The following KIF18A variants were observed in gnomAD, a reference collection of about 807,000 sequenced individuals.
KIF18A encodes the protein kinesin-like protein KIF18A.
In KIF18A, 67 loss-of-function variants were observed where a neutral mutation model predicts 103.3. That is an observed-to-expected ratio of 0.65 (90% CI 0.53 to 0.79). The LOEUF is 0.79. KIF18A is among the 30% of genes least tolerant of loss of function. The probability of loss-of-function intolerance (pLI) is 0.00; values close to 1 mark genes in which losing one functional copy is unlikely to be tolerated. For synonymous variants in KIF18A, 367 were observed against 355.5 expected (o/e 1.03, Z -0.36); for missense variants, 1,032 against 1,062.5 (o/e 0.97, Z 0.40).
chr11:28,028,536 G>C (rs1159354927), intron 15 of KIF18A, among the ~76,000 whole-genome samples: 2 of 152,096 alleles, frequency 1.3e-5, no homozygotes, highest in African/African-American at 2.4e-5. Flanking sequence ...GCAGTGTGTA[G>C]AGGGAAATTT....
At chr11:28,077,222 A>G in intron 9 of KIF18A, 53 bp from the exon 10 acceptor site, 1 of 1,308,210 alleles carries the variant, frequency 7.6e-7, no homozygotes, top group Non-Finnish European at 1.0e-6. Context: ...AGCAAATCAT[A>G]CAAAGTTTAC....
At chr11:28,055,873 A>C (rs757117843) in intron 13 of KIF18A, among the ~76,000 whole-genome samples, 2 of 152,146 alleles carry the variant, frequency 1.3e-5, no homozygotes, top group African/African-American at 2.4e-5. Flanking sequence ...GTGGTTACAG[A>C]CTTTGGAATT....
chr11:28,073,732 G>A (rs1291790399), intron 10 of KIF18A, among the ~76,000 whole-genome samples: 1 of 152,110 alleles, frequency 6.6e-6, no homozygotes, highest in African/African-American at 2.4e-5. Context: ...CAAGCATATA[G>A]TGCCTTATCA....
At chr11:28,023,563 G>T (rs534262396) in intron 16 of KIF18A, among the ~76,000 whole-genome samples, 178 bp downstream of exon 16, 4 of 152,190 alleles carry the variant, frequency 2.6e-5, no homozygotes, top group Admixed American at 2.0e-4. Flanking sequence ...TTGGGTAAAT[G>T]CTTTTGTGTT....
In KIF18A at chr11:28,036,269, T is replaced by C; in HGVS notation, c.2344A>G (p.Lys782Glu). ...GGTAGTGATTCTTGTTCGGGTAATT[T>C]ACACTTCGAGCTCTTGATGTCTTCA... ...ICEDIKSSKC[K>E]LPEQESLPND... The change falls in exon 14 of 17, where the codon AAA becomes GAA. Residue 782 changes from lysine (K) to glutamate (E), a missense_variant. Lys to Glu is a moderately conservative substitution (Grantham distance 56). Coordinates refer to ENST00000263181, the MANE Select transcript of KIF18A (RefSeq NM_031217.4). 6.2e-7 allele frequency: 1 copy of C among 1,608,998 alleles called. No homozygotes were observed. Among genetic ancestry groups the C allele is most frequent in the Non-Finnish European group, 8.5e-7 (1 of 1,177,304 alleles).
intron 15 of KIF18A, among the ~76,000 whole-genome samples, chr11:28,029,422 C>T (rs1178429281): frequency 6.6e-6 from 1 of 152,060 alleles, no homozygotes; most frequent in East Asian, 1.9e-4. Context: ...GAACCAAAGA[C>T]AAAAACCACA....
intron 4 of KIF18A, among the ~76,000 whole-genome samples, chr11:28,090,947 A>G (rs757403099): frequency 6.6e-6 from 1 of 152,086 alleles, no homozygotes; most frequent in Non-Finnish European, 1.5e-5. Context: ...GAGTCTATTG[A>G]GTAGAATAAT....
rs764781375 is a variant in KIF18A at position 28,069,322 on chromosome 11, A to C, written c.1527T>G (p.Thr509=). 8 of 1,613,416 alleles carry C rather than the reference A, an allele frequency of 5.0e-6. No individual in the cohort carries two copies. Among genetic ancestry groups the C allele is most frequent in the Non-Finnish European group, 6.8e-6 (8 of 1,179,532 alleles). The change falls in exon 11 of 17, where the codon ACT becomes ACG. Residue 509 remains threonine, a synonymous_variant. Transcript: ENST00000263181. ...EEELKQFDEN[T]NWLHRVEKEM... ...CTTTTTCGACACGATGGAGCCAATT[A>C]GTATTCTCATCAAATTGCTTCAATT...
chr11:28,068,637 T>C (rs1850969100), intron 11 of KIF18A, among the ~76,000 whole-genome samples: 1 of 152,142 alleles, frequency 6.6e-6, no homozygotes, highest in Non-Finnish European at 1.5e-5. Flanking sequence ...TTCTTCTGGC[T>C]TAGGTGTGTA....
Position 28,097,902 on chromosome 11 carries a change from C to T in KIF18A, c.46G>A (p.Val16Ile). 1 of 1,602,656 alleles carries T rather than the reference C, an allele frequency of 6.2e-7. No individual in the cohort carries two copies. The highest frequency in any genetic ancestry group is 8.5e-7 in the Non-Finnish European group (1 of 1,175,530). Residue 16 changes from valine to isoleucine, a missense_variant, in exon 2 of 17, where the codon GTT becomes ATT. Val to Ile is a conservative substitution (Grantham distance 29). Transcript: ENST00000263181. Reference sequence around the variant, plus strand: ...TTAGTGTTTTCCGGACGTACACGAACTACTACTTTCATATGGTGGCACAGG... The same window carrying T: ...TTAGTGTTTTCCGGACGTACACGAATTACTACTTTCATATGGTGGCACAGG... ...EDLCHHMKVVVRVRPENTKEK... is the reference protein window; with the variant it reads ...EDLCHHMKVVIRVRPENTKEK...
chr11:28,093,043 C>T (rs1435549911), intron 3 of KIF18A, among the ~76,000 whole-genome samples: 1 of 152,090 alleles, frequency 6.6e-6, no homozygotes. Flanking sequence ...GAGGCCTAGG[C>T]CTATTTTTAA....
intron 13 of KIF18A, among the ~76,000 whole-genome samples, chr11:28,045,600 A>G (rs1229665748): frequency 6.6e-6 from 1 of 152,058 alleles, no homozygotes; most frequent in African/African-American, 2.4e-5. Context: ...TATATATTAT[A>G]TAACATACAC....
intron 2 of KIF18A, 130 bp from the exon 3 acceptor site, chr11:28,094,930 G>A: frequency 1.2e-6 from 1 of 819,036 alleles, no homozygotes. Flanking sequence ...CAAAATTATA[G>A]TCTTATCCTT....
chr11:28,052,201 T>A (rs1212935110), intron 13 of KIF18A, among the ~76,000 whole-genome samples: 1 of 152,098 alleles, frequency 6.6e-6, no homozygotes, highest in African/African-American at 2.4e-5. Context: ...TGCCATAGTA[T>A]AATCTATTCT....
chr11:28,095,856 CA>C (rs1851362070), intron 2 of KIF18A, among the ~76,000 whole-genome samples: 1 of 150,956 alleles, frequency 6.6e-6, no homozygotes, highest in Admixed American at 6.6e-5. Context: ...CAAAAATTTT[CA>C]AAAAATTAGC....
At chr11:28,032,590 C>G (rs954745124) in intron 15 of KIF18A, among the ~76,000 whole-genome samples, 1 of 151,768 alleles carries the variant, frequency 6.6e-6, no homozygotes, top group African/African-American at 2.4e-5. Flanking sequence ...TTATTTTTGA[C>G]AAAGCTGCCA....
intron 11 of KIF18A, 139 bp from the exon 12 acceptor site, chr11:28,062,655 A>T (rs1850870874): frequency 3.1e-6 from 2 of 648,150 alleles, no homozygotes; most frequent in Admixed American, 4.3e-5. Context: ...AATTTGAAAA[A>T]TAAGAGTTCT....
Position 28,050,184 on chromosome 11 carries a change from C to T in KIF18A, c.1948+8742G>A, listed in dbSNP as rs1295655130. Among the ~76,000 whole-genome samples, 4 of 151,756 alleles carry T rather than the reference C, an allele frequency of 2.6e-5. No homozygotes were observed. The South Asian group carries it at 8.3e-4, about 31-fold the overall frequency. ...CTCAGTTTCATTTTCTCAGTATTTACACTTACCAAAGATGGAAAAGAAGGG... is the reference window on the plus strand; with the variant it reads ...CTCAGTTTCATTTTCTCAGTATTTATACTTACCAAAGATGGAAAAGAAGGG... On this transcript the variant is annotated intron_variant, in intron 13 of 16. Transcript: ENST00000263181.
intron 9 of KIF18A, among the ~76,000 whole-genome samples, chr11:28,080,419 A>T (rs1345380911): frequency 4.7e-5 from 7 of 148,774 alleles, no homozygotes; most frequent in Non-Finnish European, 8.9e-5. Flanking sequence ...TATAAGCATC[A>T]TTTTTCCTAC....
Sources: allele counts gnomAD v4.1 joint callset (sites outside exome capture counted in the v4.1 genomes callset), GRCh38; gene constraint gnomAD v4.1.1; transcripts MANE v1.5; gene names NCBI Gene and HGNC (gene_info 2026-07-23, HGNC 2026-07-21).